The following RND3 variants were observed in gnomAD, a reference collection of about 807,000 sequenced individuals.
The protein encoded by RND3 is Rho family GTPase 3, also known as rho-related GTP-binding protein RhoE.
In RND3, 8 loss-of-function variants were observed where a neutral mutation model predicts 26.5. The observed-to-expected ratio is 0.30, with a 90% CI of 0.18 to 0.54. RND3 has a LOEUF of 0.54. Among genes scored for constraint, RND3 ranks in the 20% least tolerant of loss-of-function variants. The pLI is 0.94. For synonymous variants in RND3, 113 were observed against 113.0 expected, an observed-to-expected ratio of 1.00 and a Z score of 0.00; for missense variants, 207 against 302.8, an observed-to-expected ratio of 0.68 and a Z score of 2.35.
Position 150,469,316 on chromosome 2 carries a change from G to C in RND3, c.*671C>G, listed in dbSNP as rs189147505. 27 of 152,398 alleles carry C rather than the reference G, an allele frequency of 1.8e-4. No homozygotes were observed. Among genetic ancestry groups the C allele is most frequent in the African/African-American group, 6.0e-4 (25 of 41,494 alleles). 9.4% of individuals were successfully genotyped at this position (152,398 alleles called of 1,614,324 possible). ...AAAATCGACATTTTTTTTCCTATTT[G>C]ATCTATGCGATCTTTGTAGTGCTGG... On this transcript the variant is annotated 3_prime_UTR_variant, in exon 6 of 6. Transcript: ENST00000263895.
chr2:150,475,317 C>A (rs1043655052), intron 3 of RND3, among the ~76,000 whole-genome samples: 1 of 152,096 alleles, frequency 6.6e-6, no homozygotes, highest in Admixed American at 6.5e-5. Flanking sequence ...CCTGCCTCCA[C>A]CACTAAAAAG....
At chr2:150,483,591 G>A (rs2105223030) in intron 3 of RND3, among the ~76,000 whole-genome samples, 1 of 152,286 alleles carries the variant, frequency 6.6e-6, no homozygotes, top group East Asian at 1.9e-4. Context: ...AAATGTTTTA[G>A]TGGGCAAAGA....
At chr2:150,487,241 G>C in intron 2 of RND3, 27 bp downstream of exon 2, 2 of 1,550,978 alleles carry the variant, frequency 1.3e-6, no homozygotes, top group Non-Finnish European at 1.7e-6. Flanking sequence ...CGACCCCCTC[G>C]TGGAAGCCGC....
rs1686056888 is a variant in RND3, at chr2:150,470,021, C to T, written c.701G>A (p.Arg234Gln). 1.2e-6 allele frequency: 2 copies of T among 1,613,852 alleles called. No homozygotes were observed. Among genetic ancestry groups the T allele is most frequent in the Admixed American group, 1.7e-5 (1 of 59,946 alleles). Residue 234 changes from arginine (R) to glutamine (Q), a missense_variant, in exon 6 of 6, where the codon CGA (arginine) becomes CAA (glutamine). By Grantham distance (43) the Arg-to-Gln change is conservative. Coordinates refer to ENST00000263895, the MANE Select transcript of RND3 (RefSeq NM_005168.5). Reference protein sequence around the residue: ...PELSAVATDLRKDKAKSCTVM With the variant: ...PELSAVATDLQKDKAKSCTVM Reference sequence around the variant, plus strand: ...AGTGCAGCTCTTCGCTTTGTCCTTTCGTAAGTCCGTAGCAACTGCCGAGAG... The same window carrying T: ...AGTGCAGCTCTTCGCTTTGTCCTTTTGTAAGTCCGTAGCAACTGCCGAGAG...
At position 150,469,918 on chromosome 2, in the gene RND3, CTT is replaced by C. The variant is rs1177517070; in HGVS notation, c.*67_*68del. 1 of 1,574,970 alleles carries C rather than the reference CTT, an allele frequency of 6.3e-7. No homozygotes were observed. The highest frequency in any genetic ancestry group is 2.2e-5 in the East Asian group (1 of 44,480). Reference sequence around the variant, plus strand: ...ACTTTGGCTGTGCACTTCATTTAGACTTCACCTTTTTGTTTGCTGTTGTTTTT... The same window carrying C: ...ACTTTGGCTGTGCACTTCATTTAGACCACCTTTTTGTTTGCTGTTGTTTTT... On this transcript the variant is annotated 3_prime_UTR_variant, in exon 6 of 6. Coordinates refer to ENST00000263895, the MANE Select transcript of RND3 (RefSeq NM_005168.5).
chr2:150,468,505 A>G lies in RND3; in HGVS notation c.*1482T>C, dbSNP rs1010703196. 2 of 152,656 alleles carry G rather than the reference A, an allele frequency of 1.3e-5. No individual in the cohort carries two copies. The highest frequency in any genetic ancestry group is 2.9e-5 in the Non-Finnish European group (2 of 68,044). 9.5% of individuals were successfully genotyped at this position (152,656 alleles called of 1,614,324 possible). ...TCGAATTTTCTTGCAGAGACAAGAC[A>G]AAGTGCTTGTAAGACATAGAACTGA... is the stretch of plus-strand genomic sequence containing the variant. On this transcript the variant is annotated 3_prime_UTR_variant, in exon 6 of 6. Transcript: ENST00000263895.
rs1322704849 is a variant in RND3 at position 150,486,661 on chromosome 2, G to T, written c.238+33C>A. ...CGCATCCCCCAGCGACTGGAAACCC[G>T]CCCCAAGCGCCACGCGGTCCTCCCA... On this transcript the variant is annotated intron_variant, in intron 3 of 5. Transcript: ENST00000263895. This position sits in a 1 kb window ranked among gnomAD's most constrained non-coding sequence, Gnocchi z 4.5. 4 of 1,487,268 alleles carry T rather than the reference G, an allele frequency of 2.7e-6. No homozygotes were observed. Among genetic ancestry groups the T allele is most frequent in the Non-Finnish European group, 3.8e-6 (4 of 1,064,634 alleles). The allele number at this position is 1,487,268 out of a possible 1,614,324, so 92.1% of individuals were successfully genotyped here.
intron 3 of RND3, among the ~76,000 whole-genome samples, chr2:150,478,799 C>T (rs1188106494): frequency 1.3e-5 from 2 of 152,042 alleles, no homozygotes; most frequent in Non-Finnish European, 2.9e-5. Context: ...AGTCCAATAA[C>T]ATTTAGGGAC....
Position 150,486,303 on chromosome 2 carries a change from G to C in RND3, c.238+391C>G, listed in dbSNP as rs553978294. Among the ~76,000 whole-genome samples the C allele has an allele frequency of 1.5e-4, 23 of 152,328 alleles. No homozygotes were observed. Among genetic ancestry groups the C allele is most frequent in the African/African-American group, 4.8e-4 (20 of 41,592 alleles). ...CGCCTCCCCGCCAACCAGCAGGTTA[G>C]ATCTAGGAGGGGCGCCCGCCTTGAG... On this transcript the variant is annotated intron_variant, in intron 3 of 5. Transcript: ENST00000263895. This position sits in a 1 kb window ranked among gnomAD's most constrained non-coding sequence, Gnocchi z 4.5.
intron 3 of RND3, among the ~76,000 whole-genome samples, chr2:150,478,991 T>C (rs963145247): frequency 2.0e-5 from 3 of 152,032 alleles, no homozygotes; most frequent in African/African-American, 4.8e-5. Flanking sequence ...GGAAACTCTA[T>C]ATTGTAAAGA....
In RND3 at chr2:150,486,264, C is replaced by A. The variant is rs1686359055; in HGVS notation, c.238+430G>T. On this transcript the variant is annotated intron_variant, in intron 3 of 5. Transcript: ENST00000263895. The surrounding 1 kb of genome is among the most constrained non-coding windows in gnomAD (Gnocchi z 4.5). The stretch of plus-strand genomic sequence containing the variant: ...GGATTTTCTCCCGCCTCCCATCACC[C>A]CCGCGGCGCTCCCCGCCTCCCCGCC... Among the ~76,000 whole-genome samples, 1 of 152,176 alleles carries A rather than the reference C, an allele frequency of 6.6e-6. No homozygotes were observed. Among genetic ancestry groups the A allele is most frequent in the East Asian group, 2.0e-4 (1 of 5,122 alleles).
At chr2:150,471,220 A>C (rs538319832) in intron 5 of RND3, among the ~76,000 whole-genome samples, 2 of 152,312 alleles carry the variant, frequency 1.3e-5, no homozygotes, top group South Asian at 4.1e-4. Flanking sequence ...ACTGATTCTC[A>C]TTTCTAAATA....
chr2:150,487,185 C>T (rs1199528694), intron 2 of RND3, 83 bp downstream of exon 2: 5 of 806,274 alleles, frequency 6.2e-6, no homozygotes, highest in South Asian at 3.5e-5. Context: ...TAAGGGAAAA[C>T]GGATGAAAGC....
chr2:150,481,972 A>G (rs187962253), intron 3 of RND3, among the ~76,000 whole-genome samples: 154 of 152,314 alleles, frequency 1.0e-3, no homozygotes, highest in Non-Finnish European at 1.7e-3. Context: ...GGTAACTAAG[A>G]TATTTTTCCT....
rs768764713 is a variant in RND3, at chr2:150,471,675, T to C, written c.435A>G (p.Thr145=). The C allele has an allele frequency of 9.3e-6, 15 of 1,613,370 alleles. No homozygotes were observed. Among genetic ancestry groups the C allele is most frequent in the Non-Finnish European group, 7.6e-6 (9 of 1,179,626 alleles). Residue 145 remains threonine, a synonymous_variant, in exon 5 of 6, where the codon ACA becomes ACG. Coordinates refer to ENST00000263895, the MANE Select transcript of RND3 (RefSeq NM_005168.5). ...CKSDLRTDVS[T]LVELSNHRQT... Reference sequence around the variant, plus strand: ...GCCTGTGATTGGAGAGCTCTACTAATGTACTAACATCTGTCCGCAGATCAG... The same window carrying C: ...GCCTGTGATTGGAGAGCTCTACTAACGTACTAACATCTGTCCGCAGATCAG...
Position 150,470,122 on chromosome 2 carries a change from C to T in RND3, c.600G>A (p.Lys200=), listed in dbSNP as rs76904124. Residue 200 remains lysine (K), a synonymous_variant, in exon 6 of 6, where the codon AAG becomes AAA. Coordinates refer to ENST00000263895, the MANE Select transcript of RND3 (RefSeq NM_005168.5). ...FHVATLACVN[K]TNKNVKRNKS... is the part of the protein sequence containing the mutation. ...TGTTCCGCTTAACGTTTTTATTTGTCTTATTTACACATGCCAAGGTGGCAA... is the reference window on the plus strand; with the variant it reads ...TGTTCCGCTTAACGTTTTTATTTGTTTTATTTACACATGCCAAGGTGGCAA... 7.0e-4 allele frequency: 1,130 copies of T among 1,613,998 alleles called. 20 individuals are homozygous for T. In the East Asian group the frequency reaches 0.023, roughly 33 times the overall value.
At chr2:150,484,225 T>C (rs1686322618) in intron 3 of RND3, among the ~76,000 whole-genome samples, 1 of 152,216 alleles carries the variant, frequency 6.6e-6, no homozygotes, top group Non-Finnish European at 1.5e-5. Flanking sequence ...GTGCTATGTG[T>C]GCAGAGTCTA....
At chr2:150,471,953 C>A in intron 4 of RND3, 192 bp from the exon 5 acceptor site, 1 of 559,732 alleles carries the variant, frequency 1.8e-6, no homozygotes. Flanking sequence ...ACTTTTTAAG[C>A]ATTAGAGAAT....
In RND3 at chr2:150,487,170, T is replaced by C. The variant is rs1222868066; in HGVS notation, c.150+98A>G. On this transcript the variant is annotated intron_variant, in intron 2 of 5. Coordinates refer to ENST00000263895, the MANE Select transcript of RND3 (RefSeq NM_005168.5). ...AAGACTTTTTTTTTTCTTTTTTTTT[T>C]TTTTTAAGGGAAAACGGATGAAAGC... The C allele has an allele frequency of 4.4e-6, 4 of 907,024 alleles. No individual in the cohort carries two copies. In the African/African-American group the frequency reaches 5.1e-5, roughly 12 times the overall value. 56.2% of individuals were successfully genotyped at this position (907,024 alleles called of 1,614,324 possible). A position where few individuals can be genotyped will look rare whatever the true frequency, so the allele number is the denominator to read the frequency against.
Sources: gnomAD v4.1 joint callset for allele counts (sites outside exome capture counted in the v4.1 genomes callset) on GRCh38, gnomAD v4.1.1 for gene constraint, Gnocchi (gnomAD v3.1) non-coding constraint, MANE v1.5 for transcripts, NCBI Gene and HGNC (gene_info 2026-07-23, HGNC 2026-07-21) for gene names.